SLC14A2: variants seen among roughly 807,000 people sequenced by gnomAD.
The protein encoded by SLC14A2 is urea transporter 2.
SLC14A2 carries 91 observed loss-of-function variants against 104.6 expected under a neutral mutation model. The observed-to-expected ratio is 0.87, with a 90% CI of 0.73 to 1.04. SLC14A2 has a LOEUF of 1.04. Ranked by LOEUF, SLC14A2 falls within the 50% of genes least tolerant of loss-of-function variation. The pLI is 0.00. For missense variants in SLC14A2, 1,189 were observed against 1,156.0 expected (o/e 1.03, Z -0.41); for synonymous variants, 476 against 466.4 (o/e 1.02, Z -0.27).
At chr18:45,437,215 A>T (rs1265600422) in intron 1 of SLC14A2, among the ~76,000 whole-genome samples, 1 of 151,972 alleles carries the variant, frequency 6.6e-6, no homozygotes, top group Non-Finnish European at 1.5e-5. Context: ...CTGTGGTTGG[A>T]CTCCCAAATC....
intron 1 of SLC14A2, among the ~76,000 whole-genome samples, chr18:45,257,623 T>C (rs1263602322): frequency 6.6e-6 from 1 of 152,242 alleles, no homozygotes; most frequent in Non-Finnish European, 1.5e-5. Context: ...TTTATTTCTA[T>C]GTAGCTCTTG....
chr18:45,610,527 C>T (rs535544035), upstream of SLC14A2, among the ~76,000 whole-genome samples: 52 of 152,238 alleles, frequency 3.4e-4, no homozygotes, highest in Middle Eastern at 6.8e-3. Context: ...GTTCTCAGGG[C>T]TTCAAGGAAG....
At chr18:45,475,648 T>TG (rs1568227873) in intron 1 of SLC14A2, among the ~76,000 whole-genome samples, 14 of 12,026 alleles carry the variant, frequency 1.2e-3, no homozygotes, top group Admixed American at 1.9e-3. Flanking sequence ...TTAGGATATA[T>TG]ATATATATAT....
the SLC14A2 span, among the ~76,000 whole-genome samples, chr18:45,198,339 C>T: frequency 2.1e-3 from 315 of 152,220 alleles, no homozygotes; most frequent in African/African-American, 3.6e-3. Context: ...GGACCCCTCA[C>T]CCAATACTCA....
chr18:45,221,252 G>T (rs2084059291), intron 1 of SLC14A2, among the ~76,000 whole-genome samples: 1 of 152,184 alleles, frequency 6.6e-6, no homozygotes, highest in African/African-American at 2.4e-5. Flanking sequence ...CTTTGCTCTT[G>T]TCTTTCAGTC....
chr18:45,207,036 G>A, the SLC14A2 span, among the ~76,000 whole-genome samples: 2 of 152,216 alleles, frequency 1.3e-5, no homozygotes, highest in East Asian at 3.9e-4. Flanking sequence ...AGTAGATAAT[G>A]TATTAACTAT....
intron 1 of SLC14A2, among the ~76,000 whole-genome samples, chr18:45,461,272 C>T (rs1185560556): frequency 6.6e-6 from 1 of 152,156 alleles, no homozygotes; most frequent in Non-Finnish European, 1.5e-5. Context: ...TTGGGGAAAG[C>T]ATCATTGTGG....
chr18:45,309,076 C>A (rs1599663616), intron 1 of SLC14A2, among the ~76,000 whole-genome samples: 1 of 152,150 alleles, frequency 6.6e-6, no homozygotes, highest in South Asian at 2.1e-4. Context: ...GATTTCTGAT[C>A]CAGTCATTGA....
chr18:45,369,871 G>C (rs2144350246), intron 1 of SLC14A2, among the ~76,000 whole-genome samples: 2 of 152,230 alleles, frequency 1.3e-5, no homozygotes, highest in Middle Eastern at 3.4e-3. Flanking sequence ...CTCATAACAA[G>C]TCCAGAACTC....
chr18:45,513,138 G>C (rs1433185159), intron 2 of SLC14A2, among the ~76,000 whole-genome samples: 1 of 152,114 alleles, frequency 6.6e-6, no homozygotes, highest in Non-Finnish European at 1.5e-5. Flanking sequence ...AGGTCATCAG[G>C]GCCAGCTTTT....
At chr18:45,607,610 G>A (rs2044893322) in intron 2 of SLC14A2, among the ~76,000 whole-genome samples, 1 of 152,152 alleles carries the variant, frequency 6.6e-6, no homozygotes, top group Admixed American at 6.5e-5. Context: ...CTATCAAGGT[G>A]TGACAAATTG....
Position 45,678,990 on chromosome 18 carries a change from A to G in SLC14A2, c.2528A>G (p.Tyr843Cys). The change falls in exon 19 of 20, where the codon TAC becomes TGC. Residue 843 changes from tyrosine to cysteine, a missense_variant. Coordinates refer to ENST00000255226, the MANE Select transcript of SLC14A2 (RefSeq NM_007163.4). ...LAIACALFAA[Y>C]LGAALANMLS... ...TTTTTTCTAGCACTGTTTGCTGCCT[A>G]CCTGGGTGCTGCCCTGGCTAACATG... 6.3e-7 allele frequency: 1 copy of G among 1,585,168 alleles called. No homozygotes were observed. Among genetic ancestry groups the G allele is most frequent in the Non-Finnish European group, 8.6e-7 (1 of 1,169,484 alleles).
chr18:45,585,315 C>A (rs1273365286), intron 2 of SLC14A2, among the ~76,000 whole-genome samples: 1 of 152,182 alleles, frequency 6.6e-6, no homozygotes, highest in Non-Finnish European at 1.5e-5. Flanking sequence ...ACCTCCCTAG[C>A]ATATCATTTA....
intron 1 of SLC14A2, among the ~76,000 whole-genome samples, chr18:45,310,438 G>T (rs1047534413): frequency 1.2e-4 from 19 of 152,150 alleles, no homozygotes; most frequent in Admixed American, 7.9e-4. Flanking sequence ...TTAGCATGTA[G>T]AAAACTAAAT....
At chr18:45,248,876 C>A (rs1003725784) in intron 1 of SLC14A2, among the ~76,000 whole-genome samples, 5 of 152,206 alleles carry the variant, frequency 3.3e-5, no homozygotes, top group African/African-American at 1.2e-4. Context: ...CCTGAAAGGA[C>A]TGGTGATAAA....
At chr18:45,304,030 A>G (rs928775107) in intron 1 of SLC14A2, among the ~76,000 whole-genome samples, 6 of 152,192 alleles carry the variant, frequency 3.9e-5, no homozygotes, top group Non-Finnish European at 7.3e-5. Context: ...AGAGCTTACA[A>G]TATTCAGGGT....
rs1014951071 is a variant in SLC14A2 at position 45,494,568 on chromosome 18, A to AT, written c.-35+11258dup. ...ACATGCCACCATGCCCAGAAAAAAA[A>AT]TTTTTTTTTTTTAAATAGCGACAGG... On this transcript the variant is annotated intron_variant, in intron 2 of 20. Transcript: ENST00000586448. Among the ~76,000 whole-genome samples the AT allele has an allele frequency of 1.3e-4, 20 of 150,976 alleles. 1 individual carries two copies. Among genetic ancestry groups the AT allele is most frequent in the African/African-American group, 4.1e-4 (17 of 41,234 alleles).
intron 2 of SLC14A2, among the ~76,000 whole-genome samples, chr18:45,523,997 T>C (rs2043555089): frequency 6.6e-6 from 1 of 152,052 alleles, no homozygotes; most frequent in African/African-American, 2.4e-5. Flanking sequence ...AAGTACGGAG[T>C]TGAATTGAAC....
the SLC14A2 span, among the ~76,000 whole-genome samples, chr18:45,204,420 G>C: frequency 6.6e-6 from 1 of 152,124 alleles, no homozygotes; most frequent in Non-Finnish European, 1.5e-5. Flanking sequence ...CGATCCCTGT[G>C]GACTGTGGAA....
Sources: gnomAD v4.1 joint callset for allele counts (sites outside exome capture counted in the v4.1 genomes callset) on GRCh38, gnomAD v4.1.1 for gene constraint, MANE v1.5 for transcripts, NCBI Gene and HGNC (gene_info 2026-07-23, HGNC 2026-07-21) for gene names.